PRRX2: variants seen among roughly 807,000 people sequenced by gnomAD.
PRRX2 encodes paired related homeobox 2.
A neutral mutation model predicts 18.0 loss-of-function variants in PRRX2; 11 were observed. The observed-to-expected ratio is 0.61, with a 90% CI of 0.39 to 1.01. PRRX2 has a LOEUF of 1.01. Among genes scored for constraint, PRRX2 ranks in the 50% least tolerant of loss-of-function variants. PRRX2 has a pLI of 0.01. For missense variants in PRRX2, 387 were observed against 351.0 expected, an observed-to-expected ratio of 1.10 and a Z score of -0.82; for synonymous variants, 177 against 154.8, an observed-to-expected ratio of 1.14 and a Z score of -1.06.
chr9:129,707,597 C>T (rs905213661), intron 1 of PRRX2, among the ~76,000 whole-genome samples: 2 of 152,040 alleles, frequency 1.3e-5, no homozygotes, highest in Admixed American at 6.6e-5. Context: ...TCGAGACCAG[C>T]CTGGCCAACA....
intron 1 of PRRX2, among the ~76,000 whole-genome samples, chr9:129,667,555 GGAGA>G (rs142251603): frequency 6.6e-6 from 1 of 152,036 alleles, no homozygotes; most frequent in Admixed American, 6.6e-5. Flanking sequence ...GGCAAGGAAA[GGAGA>G]GAGAGAGGGA....
Position 129,719,430 on chromosome 9 carries a change from G to C in PRRX2, c.447+12G>C. On this transcript the variant is annotated intron_variant, in intron 2 of 3. Transcript: ENST00000372469. ...AGGCGCGCGTTCAGGTGAGCGCTCAGTCCCGGGCCTCCCGTGGGAGCGTGC... is the reference window on the plus strand; with the variant it reads ...AGGCGCGCGTTCAGGTGAGCGCTCACTCCCGGGCCTCCCGTGGGAGCGTGC... The C allele has an allele frequency of 6.7e-7, 1 of 1,502,086 alleles. No individual in the cohort carries two copies. The highest frequency in any genetic ancestry group is 1.3e-5 in the South Asian group (1 of 79,790). 93.0% of individuals were successfully genotyped at this position (1,502,086 alleles called of 1,614,324 possible).
In PRRX2 at chr9:129,722,397, A is replaced by G; in HGVS notation, c.*45A>G. The G allele has an allele frequency of 6.2e-7, 1 of 1,604,926 alleles. No individual in the cohort carries two copies. Among genetic ancestry groups the G allele is most frequent in the Non-Finnish European group, 8.5e-7 (1 of 1,175,228 alleles). On this transcript the variant is annotated 3_prime_UTR_variant, in exon 4 of 4. Transcript: ENST00000372469. ...CCAGACGCCTCCCTGGGTGGACAGC[A>G]ATAGAAAAGGGGGCAGACGCCCAGG...
chr9:129,702,542 T>A (rs1832510873), intron 1 of PRRX2, among the ~76,000 whole-genome samples: 1 of 152,276 alleles, frequency 6.6e-6, no homozygotes, highest in Admixed American at 6.5e-5. Flanking sequence ...GAATTTGTAT[T>A]TTTATTTCAT....
At position 129,684,825 on chromosome 9, in the gene PRRX2, G is replaced by A. The variant is rs143392978; in HGVS notation, c.259+18699G>A. 1.4e-4 allele frequency among the ~76,000 whole-genome samples: 22 copies of A among 152,300 alleles called. No individual in the cohort carries two copies. The Middle Eastern group carries it at 0.01, about 71-fold the overall frequency. ...CTCATGTATTGTCTCACCTAATCAC[G>A]GAGGGACTGTTAATTGTGCTTGCTT... On this transcript the variant is annotated intron_variant, in intron 1 of 3. Transcript: ENST00000372469.
Position 129,681,362 on chromosome 9 carries a change from A to G in PRRX2, c.259+15236A>G, listed in dbSNP as rs527769267. Among the ~76,000 whole-genome samples, 160 of 152,274 alleles carry G rather than the reference A, an allele frequency of 1.1e-3. 1 individual carries two copies. Among genetic ancestry groups the G allele is most frequent in the African/African-American group, 3.5e-3 (147 of 41,558 alleles). On this transcript the variant is annotated intron_variant, in intron 1 of 3. Transcript: ENST00000372469. Reference sequence around the variant, plus strand: ...TGGCAAAACCCCGTCTCTATTAAAAATACAAAAATTAGCCAGGCATGGTGG... The same window carrying G: ...TGGCAAAACCCCGTCTCTATTAAAAGTACAAAAATTAGCCAGGCATGGTGG...
chr9:129,693,265 A>G (rs1345604077), intron 1 of PRRX2, among the ~76,000 whole-genome samples: 2 of 152,216 alleles, frequency 1.3e-5, no homozygotes, highest in Non-Finnish European at 1.5e-5. Flanking sequence ...TCTGCTAAAG[A>G]AGTTTTCTCA....
At chr9:129,689,953 G>C (rs1422680437) in intron 1 of PRRX2, among the ~76,000 whole-genome samples, 1 of 151,508 alleles carries the variant, frequency 6.6e-6, no homozygotes, top group Non-Finnish European at 1.5e-5. Context: ...GGGTTTCACC[G>C]TGTTGGCCAG....
chr9:129,666,169 C>T, intron 1 of PRRX2, 43 bp downstream of exon 1: 1 of 715,250 alleles, frequency 1.4e-6, no homozygotes, highest in Non-Finnish European at 1.7e-6. Context: ...GGGCCGGGGC[C>T]GGGGCCGGGG....
At chr9:129,711,287 CTG>C (rs1207381667) in intron 1 of PRRX2, among the ~76,000 whole-genome samples, 1 of 151,894 alleles carries the variant, frequency 6.6e-6, no homozygotes. Flanking sequence ...ATTTAACTCT[CTG>C]TTCCTCAGTT....
In PRRX2 at chr9:129,677,613, G is replaced by A. The variant is rs369231053; in HGVS notation, c.259+11487G>A. Among the ~76,000 whole-genome samples, 36 of 152,356 alleles carry A rather than the reference G, an allele frequency of 2.4e-4. No homozygotes were observed. The South Asian group carries it at 3.9e-3, about 17-fold the overall frequency. ...ACACTGGGCCGTGGCATGGTCAGGCGGGGAGGCTCCAGGCCTTGCTGTGAT... is the reference window on the plus strand; with the variant it reads ...ACACTGGGCCGTGGCATGGTCAGGCAGGGAGGCTCCAGGCCTTGCTGTGAT... On this transcript the variant is annotated intron_variant, in intron 1 of 3. Transcript: ENST00000372469.
intron 1 of PRRX2, among the ~76,000 whole-genome samples, chr9:129,670,411 A>T (rs1447228342): frequency 2.0e-5 from 3 of 152,040 alleles, no homozygotes; most frequent in Non-Finnish European, 2.9e-5. Flanking sequence ...GTCTTGCTCC[A>T]TTGACCGGGT....
intron 1 of PRRX2, among the ~76,000 whole-genome samples, chr9:129,711,138 A>G (rs1832612703): frequency 6.6e-6 from 1 of 152,070 alleles, no homozygotes; most frequent in Admixed American, 6.6e-5. Flanking sequence ...CAGCACCACG[A>G]GGATCTTGGG....
At chr9:129,685,570 TG>T (rs1165577468) in intron 1 of PRRX2, among the ~76,000 whole-genome samples, 1 of 152,042 alleles carries the variant, frequency 6.6e-6, no homozygotes, top group Non-Finnish European at 1.5e-5. Context: ...CTCGAACTGC[TG>T]GACTTAAGCA....
intron 1 of PRRX2, among the ~76,000 whole-genome samples, chr9:129,687,725 T>C (rs543310514): frequency 6.6e-5 from 10 of 152,116 alleles, no homozygotes; most frequent in South Asian, 2.1e-4. Flanking sequence ...CACCCGAGAT[T>C]TGGGGAGCAG....
At position 129,675,716 on chromosome 9, in the gene PRRX2, A is replaced by G. The variant is rs117585526; in HGVS notation, c.259+9590A>G. Among the ~76,000 whole-genome samples, 1,982 of 151,060 alleles carry G rather than the reference A, an allele frequency of 0.013. 22 individuals carry two copies. Among genetic ancestry groups the G allele is most frequent in the Non-Finnish European group, 0.022 (1,465 of 67,936 alleles). ...TTTACACGCCAGAGATGGCGTTATTAAAAATGACATTTAACCAGAGCTGGA... is the reference window on the plus strand; with the variant it reads ...TTTACACGCCAGAGATGGCGTTATTGAAAATGACATTTAACCAGAGCTGGA... On this transcript the variant is annotated intron_variant, in intron 1 of 3. Transcript: ENST00000372469. The surrounding 1 kb of genome is among the most constrained non-coding windows in gnomAD (Gnocchi z 4.4).
chr9:129,722,485 C>A lies in PRRX2; in HGVS notation c.*133C>A. 2.8e-6 allele frequency: 3 copies of A among 1,090,008 alleles called. No homozygotes were observed. The highest frequency in any genetic ancestry group is 3.6e-6 in the Non-Finnish European group (3 of 843,816). 67.5% of individuals were successfully genotyped at this position (1,090,008 alleles called of 1,614,324 possible). A position where few individuals can be genotyped will look rare whatever the true frequency, so the allele number is the denominator to read the frequency against. ...TGTCCAGCCTGGACTCCCGAGCCCA[C>A]GAGGCTGTTGAGGCCCCTGCAGCCG... is the stretch of plus-strand genomic sequence containing the variant. On this transcript the variant is annotated 3_prime_UTR_variant, in exon 4 of 4. Transcript: ENST00000372469.
chr9:129,703,235 G>A (rs1294170787), intron 1 of PRRX2, among the ~76,000 whole-genome samples: 1 of 152,222 alleles, frequency 6.6e-6, no homozygotes, highest in Non-Finnish European at 1.5e-5. Flanking sequence ...TGTGGGCCGA[G>A]CATTCCGACT....
chr9:129,718,347 C>T (rs1366986059), intron 1 of PRRX2, among the ~76,000 whole-genome samples: 1 of 152,186 alleles, frequency 6.6e-6, no homozygotes, highest in African/African-American at 2.4e-5. Context: ...TCCTCATCCC[C>T]ACCAGAGCTG....
Sources: allele counts gnomAD v4.1 joint callset (sites outside exome capture counted in the v4.1 genomes callset), GRCh38; gene constraint gnomAD v4.1.1; non-coding constraint Gnocchi (gnomAD v3.1); transcripts MANE v1.5; gene names NCBI Gene and HGNC (gene_info 2026-07-23, HGNC 2026-07-21).